ANK2: variants seen among roughly 807,000 people sequenced by gnomAD.
ANK2 encodes ankyrin 2, also known as ankyrin-2.
A neutral mutation model predicts 360.5 loss-of-function variants in ANK2; 83 were observed. The ratio of observed to expected loss-of-function variants is 0.23; its 90% confidence interval spans 0.19 to 0.28. The LOEUF is 0.28. ANK2 is among the 10% of genes least tolerant of loss of function. The pLI, the probability that ANK2 is intolerant of heterozygous loss-of-function variation, is 1.00. For missense variants in ANK2, 4,201 were observed against 4,795.7 expected (o/e 0.88, Z 3.66); for synonymous variants, 1,740 against 1,759.5 (o/e 0.99, Z 0.28).
intron 6 of ANK2, 82 bp from the exon 7 acceptor site, chr4:113,237,517 A>G: frequency 7.2e-7 from 1 of 1,384,418 alleles, no homozygotes; most frequent in Non-Finnish European, 1.0e-6. Flanking sequence ...AGTATACCCA[A>G]TTGCAGCGAG....
At chr4:112,953,160 A>G (rs1023943222) in intron 2 of ANK2, among the ~76,000 whole-genome samples, 2 of 152,212 alleles carry the variant, frequency 1.3e-5, no homozygotes, top group African/African-American at 4.8e-5. Context: ...AGCCAGATAT[A>G]TCTGATTCCA....
chr4:113,116,867 G>A (rs905755372), intron 1 of ANK2: 1 of 200,504 alleles, frequency 5.0e-6, no homozygotes, highest in Admixed American at 5.3e-5. Context: ...CTGTCTGGAG[G>A]AGTCCCCAAA....
chr4:112,715,118 C>T, the ANK2 span, among the ~76,000 whole-genome samples: 9 of 152,156 alleles, frequency 5.9e-5, no homozygotes, highest in African/African-American at 1.9e-4. Context: ...CTCAGTCACA[C>T]GTCTGGTGAC....
chr4:112,979,351 C>T (rs2042397878), intron 2 of ANK2, among the ~76,000 whole-genome samples: 1 of 152,152 alleles, frequency 6.6e-6, no homozygotes, highest in African/African-American at 2.4e-5. Flanking sequence ...AAGGTGGGTA[C>T]CTGGGAACAC....
intron 9 of ANK2, among the ~76,000 whole-genome samples, chr4:113,243,731 C>T (rs2041274904): frequency 1.3e-5 from 2 of 152,136 alleles, no homozygotes; most frequent in Non-Finnish European, 2.9e-5. Context: ...GAGTTTTGCA[C>T]ATTACTACAT....
At chr4:112,990,213 G>A (rs1031183366) in intron 2 of ANK2, among the ~76,000 whole-genome samples, 5 of 152,112 alleles carry the variant, frequency 3.3e-5, no homozygotes, top group Non-Finnish European at 5.9e-5. Flanking sequence ...AGGCTCTAGT[G>A]AGCCATGATT....
intron 2 of ANK2, among the ~76,000 whole-genome samples, chr4:112,927,041 A>G (rs759557557): frequency 1.2e-4 from 18 of 152,004 alleles, no homozygotes; most frequent in Non-Finnish European, 1.9e-4. Flanking sequence ...CCTTTATAAA[A>G]CCACCCCATC....
chr4:113,377,130 A>G (rs2096974624), intron 45 of ANK2, among the ~76,000 whole-genome samples: 1 of 152,152 alleles, frequency 6.6e-6, no homozygotes, highest in Non-Finnish European at 1.5e-5. Flanking sequence ...TGATTTATGT[A>G]TTTACTATAC....
chr4:112,813,252 A>AT (rs2055432444), upstream of ANK2, among the ~76,000 whole-genome samples: 20 of 149,698 alleles, frequency 1.3e-4, no homozygotes, highest in South Asian at 8.5e-4. Context: ...AAAAAAAAAA[A>AT]TCAAAAAAAA....
chr4:112,712,382 G>T, the ANK2 span, among the ~76,000 whole-genome samples: 1 of 138,798 alleles, frequency 7.2e-6, no homozygotes, highest in Non-Finnish European at 1.5e-5. Context: ...ACCCAGCCAA[G>T]ATGTCATATA....
chr4:113,141,821 G>A (rs181376244), intron 1 of ANK2, among the ~76,000 whole-genome samples: 59 of 152,318 alleles, frequency 3.9e-4, no homozygotes, highest in African/African-American at 1.3e-3. Context: ...ACTTTCAGAA[G>A]ATTAAAGCTG....
chr4:113,168,357 AC>A (rs1307722978), intron 1 of ANK2, among the ~76,000 whole-genome samples: 1 of 152,216 alleles, frequency 6.6e-6, no homozygotes, highest in African/African-American at 2.4e-5. Flanking sequence ...AAAAATATAA[AC>A]ACTTAAGTTT....
chr4:113,251,522 G>A (rs562681203), intron 10 of ANK2, among the ~76,000 whole-genome samples: 15 of 121,674 alleles, frequency 1.2e-4, no homozygotes, highest in East Asian at 2.4e-4. Context: ...TCGCTCTGTC[G>A]CCCAGGCTGG....
At chr4:113,276,235 C>A (rs1214859056) in intron 15 of ANK2, among the ~76,000 whole-genome samples, 1 of 151,994 alleles carries the variant, frequency 6.6e-6, no homozygotes, top group Admixed American at 6.6e-5. Flanking sequence ...GCCACTGCAC[C>A]CGGCCAAACA....
At chr4:112,983,682 A>G (rs1471250431) in intron 2 of ANK2, among the ~76,000 whole-genome samples, 1 of 152,150 alleles carries the variant, frequency 6.6e-6, no homozygotes, top group Non-Finnish European at 1.5e-5. Context: ...TCTCAGAAAA[A>G]AAAAAAGTGC....
chr4:113,129,243 T>C (rs1267834665), intron 1 of ANK2, among the ~76,000 whole-genome samples: 1 of 152,146 alleles, frequency 6.6e-6, no homozygotes, highest in Non-Finnish European at 1.5e-5. Flanking sequence ...AGAAGAAATA[T>C]GGAAATTATA....
intron 37 of ANK2, among the ~76,000 whole-genome samples, chr4:113,351,482 G>A (rs539958763): frequency 6.6e-6 from 1 of 152,196 alleles, no homozygotes; most frequent in African/African-American, 2.4e-5. Flanking sequence ...AAATTTATAT[G>A]TGTAAATTCA....
At chr4:113,286,354 A>G (rs2064579105) in intron 18 of ANK2, among the ~76,000 whole-genome samples, 1 of 152,236 alleles carries the variant, frequency 6.6e-6, no homozygotes, top group African/African-American at 2.4e-5. Context: ...TACGAAACTC[A>G]AAGTTGAGCT....
At chr4:113,359,355 T>G (rs2096054554) in intron 38 of ANK2, 56 bp downstream of exon 38, 1 of 1,600,904 alleles carries the variant, frequency 6.2e-7, no homozygotes, top group Admixed American at 1.7e-5. Flanking sequence ...ATTGATATAG[T>G]TTTTTTGTAT....
Sources: allele counts gnomAD v4.1 joint callset (sites outside exome capture counted in the v4.1 genomes callset), GRCh38; gene constraint gnomAD v4.1.1; transcripts MANE v1.5; gene names NCBI Gene and HGNC (gene_info 2026-07-23, HGNC 2026-07-21).